Variants in ULK4 observed in about 807,000 individuals in gnomAD.
The protein encoded by ULK4 is unc-51 like kinase 4, also known as inactive serine/threonine-protein kinase ULK4.
Under a neutral mutation model 160.6 loss-of-function variants are expected in ULK4, and 133 were observed. That is an observed-to-expected ratio of 0.83 (90% CI 0.72 to 0.96). The LOEUF (loss-of-function observed/expected upper bound fraction) is 0.96, where lower values mean the gene tolerates loss of function less well. Among genes scored for constraint, ULK4 ranks in the 40% least tolerant of loss-of-function variants. ULK4 has a pLI of 0.00. For synonymous variants in ULK4, 534 were observed against 539.8 expected (o/e 0.99, Z 0.15); for missense variants, 1,580 against 1,499.5 (o/e 1.05, Z -0.89).
At chr3:41,568,072 A>G (rs2087846152) in intron 31 of ULK4, among the ~76,000 whole-genome samples, 2 of 152,006 alleles carry the variant, frequency 1.3e-5, no homozygotes, top group South Asian at 4.1e-4. Flanking sequence ...CCTATTTTAC[A>G]CTCAGGATTA....
chr3:41,960,881 A>C (rs183023788), intron 1 of ULK4, among the ~76,000 whole-genome samples: 3 of 152,266 alleles, frequency 2.0e-5, no homozygotes, highest in Non-Finnish European at 4.4e-5. Context: ...CACCACCCAA[A>C]GTCAGGAAAT....
chr3:41,279,254 G>GA (rs2079295716), intron 35 of ULK4, among the ~76,000 whole-genome samples: 1 of 54,182 alleles, frequency 1.8e-5, no homozygotes, highest in African/African-American at 1.2e-4. Context: ...GAAAAAAAGA[G>GA]TAAAAAAAAA....
intron 21 of ULK4, among the ~76,000 whole-genome samples, chr3:41,762,797 G>T (rs1224495870): frequency 2.0e-5 from 3 of 151,580 alleles, no homozygotes; most frequent in Non-Finnish European, 2.9e-5. Context: ...CCAGTAGCTG[G>T]GACTACAGGT....
At chr3:41,374,235 T>C (rs2081430951) in intron 35 of ULK4, among the ~76,000 whole-genome samples, 1 of 152,232 alleles carries the variant, frequency 6.6e-6, no homozygotes, top group African/African-American at 2.4e-5. Flanking sequence ...CCTTTCCTTC[T>C]TAAACTATTC....
chr3:41,259,778 T>C (rs1253926025), intron 35 of ULK4: 1 of 152,208 alleles, frequency 6.6e-6, no homozygotes, highest in Admixed American at 6.5e-5. Context: ...CAATAATATA[T>C]GTCAATATCT....
At chr3:41,844,155 G>A (rs752284965) in intron 17 of ULK4, among the ~76,000 whole-genome samples, 10 of 152,192 alleles carry the variant, frequency 6.6e-5, no homozygotes, top group Non-Finnish European at 1.3e-4. Flanking sequence ...TGCCAGTCCC[G>A]TGCCCTGTGC....
chr3:41,836,015 C>T (rs765623388), intron 17 of ULK4, 44 bp from the exon 18 acceptor site: 2 of 1,311,332 alleles, frequency 1.5e-6, no homozygotes, highest in Non-Finnish European at 2.2e-6. Context: ...TCAAATGTAT[C>T]TCTCAGTTCT....
At chr3:41,935,315 C>T (rs1699738151) in intron 4 of ULK4, among the ~76,000 whole-genome samples, 2 of 150,828 alleles carry the variant, frequency 1.3e-5, no homozygotes, top group Non-Finnish European at 2.9e-5. Flanking sequence ...CAGCCTCTGC[C>T]TCCCAGGCTG....
At chr3:41,365,205 T>G (rs540520818) in intron 35 of ULK4, among the ~76,000 whole-genome samples, 1 of 152,336 alleles carries the variant, frequency 6.6e-6, no homozygotes, top group East Asian at 1.9e-4. Context: ...GGGCATGCCA[T>G]GAATGAGTGT....
intron 2 of ULK4, among the ~76,000 whole-genome samples, chr3:41,938,503 G>A (rs1699853242): frequency 6.6e-6 from 1 of 152,082 alleles, no homozygotes; most frequent in South Asian, 2.1e-4. Flanking sequence ...CCAACGCGGT[G>A]AAACCCCGTC....
chr3:41,776,282 C>G (rs1413175671), intron 21 of ULK4, among the ~76,000 whole-genome samples: 1 of 150,950 alleles, frequency 6.6e-6, no homozygotes. Context: ...TTTGTCTTAA[C>G]TTTTCCTTTT....
chr3:41,557,764 CTAAAATAAAG>C (rs1374290681), intron 32 of ULK4, among the ~76,000 whole-genome samples: 3 of 151,678 alleles, frequency 2.0e-5, no homozygotes, highest in South Asian at 4.2e-4. Flanking sequence ...GACTCTGTCT[CTAAAATAAAG>C]TAAAATAAAA....
chr3:41,824,666 G>A (rs1380432972), intron 18 of ULK4, among the ~76,000 whole-genome samples: 1 of 152,192 alleles, frequency 6.6e-6, no homozygotes, highest in Non-Finnish European at 1.5e-5. Flanking sequence ...AAAGCAGCCA[G>A]GAAGCTCGAA....
At chr3:41,483,854 C>T (rs369751568) in intron 32 of ULK4, among the ~76,000 whole-genome samples, 9 of 152,102 alleles carry the variant, frequency 5.9e-5, no homozygotes, top group Non-Finnish European at 8.8e-5. Flanking sequence ...TACTACAAGA[C>T]GTATGACAGA....
At chr3:41,312,976 G>C (rs1429465055) in intron 35 of ULK4, among the ~76,000 whole-genome samples, 1 of 151,930 alleles carries the variant, frequency 6.6e-6, no homozygotes, top group East Asian at 1.9e-4. Context: ...TAGAAAAGCA[G>C]AATAAATTCA....
intron 9 of ULK4, among the ~76,000 whole-genome samples, chr3:41,911,916 G>T (rs1019491776): frequency 1.3e-5 from 2 of 152,114 alleles, no homozygotes; most frequent in Non-Finnish European, 2.9e-5. Context: ...ACTTTGGGAG[G>T]CCGAGGCAGA....
chr3:41,304,986 C>T (rs192611441), intron 35 of ULK4, among the ~76,000 whole-genome samples: 25 of 152,290 alleles, frequency 1.6e-4, no homozygotes, highest in Admixed American at 5.2e-4. Flanking sequence ...GGGGAACATT[C>T]TCCTAATATA....
intron 31 of ULK4, among the ~76,000 whole-genome samples, chr3:41,601,674 C>A (rs545487469): frequency 6.6e-6 from 1 of 151,928 alleles, no homozygotes; most frequent in Non-Finnish European, 1.5e-5. Context: ...CCCCCAAACC[C>A]ATAATGCTTA....
At chr3:41,248,707 A>G (rs1452942810) in intron 36 of ULK4, among the ~76,000 whole-genome samples, 1 of 152,236 alleles carries the variant, frequency 6.6e-6, no homozygotes, top group Non-Finnish European at 1.5e-5. Flanking sequence ...ACAGCATTCC[A>G]GGTCCAGTGA....
Sources: gnomAD v4.1 joint callset for allele counts (sites outside exome capture counted in the v4.1 genomes callset) on GRCh38, gnomAD v4.1.1 for gene constraint, MANE v1.5 for transcripts, NCBI Gene and HGNC (gene_info 2026-07-23, HGNC 2026-07-21) for gene names.